The following CACNA1H variants were observed in gnomAD, a reference collection of about 807,000 sequenced individuals.
CACNA1H encodes the protein calcium voltage-gated channel subunit alpha1 H, also known as voltage-dependent T-type calcium channel subunit alpha-1H.
Under a neutral mutation model 192.5 loss-of-function variants are expected in CACNA1H, and 149 were observed. The observed-to-expected ratio is 0.77, with a 90% CI of 0.68 to 0.89. The LOEUF is 0.89. CACNA1H is among the 40% of genes least tolerant of loss of function. The pLI, the probability that CACNA1H is intolerant of heterozygous loss-of-function variation, is 0.00. For missense variants in CACNA1H, 4,257 were observed against 3,423.5 expected, an observed-to-expected ratio of 1.24 and a Z score of -6.08; for synonymous variants, 2,202 against 1,475.2, an observed-to-expected ratio of 1.49 and a Z score of -11.29.
At chr16:1,176,695 G>A (rs935265004) in intron 2 of CACNA1H, among the ~76,000 whole-genome samples, 1 of 152,192 alleles carries the variant, frequency 6.6e-6, no homozygotes, top group African/African-American at 2.4e-5. Context: ...GGGGCCGGCT[G>A]GGCACCAAGT....
intron 2 of CACNA1H, among the ~76,000 whole-genome samples, chr16:1,183,817 C>A (rs1156522582): frequency 6.6e-6 from 1 of 152,254 alleles, no homozygotes; most frequent in Non-Finnish European, 1.5e-5. Flanking sequence ...TGGGGTCTGT[C>A]CCGTCCCACC....
At chr16:1,215,180 A>G in intron 28 of CACNA1H, 62 bp from the exon 29 acceptor site, 1 of 1,581,318 alleles carries the variant, frequency 6.3e-7, no homozygotes, top group East Asian at 2.3e-5. Context: ...GGTCTGCAGA[A>G]GCAACGCTGC....
rs908020250 is a variant in CACNA1H at position 1,213,654 on chromosome 16, T to A, written c.4778-126T>A. The A allele has an allele frequency of 9.5e-6, 6 of 630,208 alleles. No homozygotes were observed. The African/African-American group carries it at 1.1e-4, about 12-fold the overall frequency. 39.0% of individuals were successfully genotyped at this position (630,208 alleles called of 1,614,324 possible). A position where few individuals can be genotyped will look rare whatever the true frequency, so the allele number is the denominator to read the frequency against. The stretch of plus-strand genomic sequence containing the variant: ...CCATGAGGCAGGGCCAGCCCCATCT[T>A]CACATGAGCCGTGGGCCCCCAACTT... On this transcript the variant is annotated intron_variant, in intron 26 of 34. Transcript: ENST00000348261.
At position 1,206,243 on chromosome 16, in the gene CACNA1H, G is replaced by A. The variant is rs762600701; in HGVS notation, c.2743G>A (p.Val915Met). The part of the protein sequence containing the change: ...LVVLVKTMDN[V>M]ATFCTLLMLF... The stretch of plus-strand genomic sequence containing the variant: ...GGTGCTGGTGAAGACCATGGACAAC[G>A]TGGCTACCTTCTGCACGCTGCTCAT... Residue 915 changes from valine to methionine, a missense_variant, in exon 12 of 35, where the codon GTG becomes ATG. By Grantham distance (21) the Val-to-Met change is conservative. Coordinates refer to ENST00000348261, the MANE Select transcript of CACNA1H (RefSeq NM_021098.3). The A allele has an allele frequency of 2.5e-6, 4 of 1,589,678 alleles. No individual in the cohort carries two copies. Among genetic ancestry groups the A allele is most frequent in the South Asian group, 1.2e-5 (1 of 86,874 alleles).
In CACNA1H at chr16:1,154,047, CG is replaced by C; in HGVS notation, c.299+13del. 1 of 1,016,154 alleles carries C rather than the reference CG, an allele frequency of 9.8e-7. No homozygotes were observed. Among genetic ancestry groups the C allele is most frequent in the Non-Finnish European group, 1.2e-6 (1 of 835,530 alleles). The allele number at this position is 1,016,154 out of a possible 1,614,324, so 62.9% of individuals were successfully genotyped here. Reference sequence around the variant, plus strand: ...GCTGGTCTGCAACCCATATCCTTCCCGGCCGGCGGGGGGCGGGGGGCGGGGG... The same window carrying C: ...GCTGGTCTGCAACCCATATCCTTCCCGCCGGCGGGGGGCGGGGGGCGGGGG... On this transcript the variant is annotated intron_variant, in intron 2 of 34. Coordinates refer to ENST00000348261, the MANE Select transcript of CACNA1H (RefSeq NM_021098.3).
chr16:1,155,901 C>G (rs942494222), intron 2 of CACNA1H, among the ~76,000 whole-genome samples: 2 of 152,136 alleles, frequency 1.3e-5, no homozygotes, highest in African/African-American at 4.8e-5. Flanking sequence ...CCCCGGTGTC[C>G]TGAGGAGCTG....
chr16:1,213,786 A>G lies in CACNA1H; in HGVS notation c.4784A>G (p.Gln1595Arg). 4.5e-6 allele frequency: 7 copies of G among 1,556,896 alleles called. No homozygotes were observed. The highest frequency in any genetic ancestry group is 5.2e-6 in the Non-Finnish European group (6 of 1,153,458). Residue 1595 changes from glutamine to arginine, a missense_variant, in exon 27 of 35, where the codon CAG (glutamine) becomes CGG (arginine). By Grantham distance (43) the Gln-to-Arg change is conservative (BLOSUM62 1). Coordinates refer to ENST00000348261, the MANE Select transcript of CACNA1H (RefSeq NM_021098.3). ...ATGGCCGCCCTCCCCGCAGAGGCCC[A>G]GCGCCGGCCCTACTATGCCGACTAC... Reference protein sequence around the residue: ...RRSTFPSPEAQRRPYYADYSP... With the variant: ...RRSTFPSPEARRRPYYADYSP...
At chr16:1,214,584 A>G (rs1321759760) in intron 27 of CACNA1H, among the ~76,000 whole-genome samples, 5 of 152,134 alleles carry the variant, frequency 3.3e-5, no homozygotes, top group Non-Finnish European at 5.9e-5. Context: ...CTGTGAGCCC[A>G]TGTCCCCATG....
Position 1,212,638 on chromosome 16 carries a change from C to T in CACNA1H, c.4777+110C>T, listed in dbSNP as rs974605488. 44 of 1,350,020 alleles carry T rather than the reference C, an allele frequency of 3.3e-5. No homozygotes were observed. The South Asian group carries it at 4.2e-4, about 13-fold the overall frequency. 83.6% of individuals were successfully genotyped at this position (1,350,020 alleles called of 1,614,324 possible). A position where few individuals can be genotyped will look rare whatever the true frequency, so the allele number is the denominator to read the frequency against. ...CCTCCGCAGGGTGGGCACAGGCAGCCGGAGGTGCTGGGCGTGTGGCGTGAG... is the reference window on the plus strand; with the variant it reads ...CCTCCGCAGGGTGGGCACAGGCAGCTGGAGGTGCTGGGCGTGTGGCGTGAG... On this transcript the variant is annotated intron_variant, in intron 26 of 34. Transcript: ENST00000348261.
At chr16:1,211,071 G>A (rs751174225) in intron 21 of CACNA1H, 97 bp from the exon 22 acceptor site, 78 of 1,555,098 alleles carry the variant, frequency 5.0e-5, no homozygotes, top group East Asian at 4.1e-4. Context: ...TTCGCAGGCC[G>A]CCCACTCGGC....
intron 27 of CACNA1H, 67 bp downstream of exon 27, chr16:1,213,998 G>C: frequency 7.2e-7 from 1 of 1,397,290 alleles, no homozygotes; most frequent in Non-Finnish European, 9.9e-7. Flanking sequence ...CCAACACAGT[G>C]GGCACAACCC....
rs772383239 is a variant in CACNA1H, at chr16:1,208,118, C to G, written c.3260C>G (p.Thr1087Ser). 6.3e-7 allele frequency: 1 copy of G among 1,593,762 alleles called. No homozygotes were observed. Among genetic ancestry groups the G allele is most frequent in the South Asian group, 1.1e-5 (1 of 87,520 alleles). The change falls in exon 16 of 35, where the codon ACC becomes AGC. Residue 1087 changes from threonine (T) to serine (S), a missense_variant. Coordinates refer to ENST00000348261, the MANE Select transcript of CACNA1H (RefSeq NM_021098.3). ...IMCTAATPMP[T>S]PKSSPFLDAA... ...TGCACAGCTGCCACGCCCATGCCTA[C>G]CCCCAAGAGCTCACCATTCCTGGAT...
chr16:1,211,039 C>G, intron 21 of CACNA1H, 68 bp downstream of exon 21: 6 of 1,557,124 alleles, frequency 3.9e-6, no homozygotes, highest in Non-Finnish European at 5.2e-6. Context: ...CTGCCCATTA[C>G]TCCTCCCGCA....
intron 6 of CACNA1H, among the ~76,000 whole-genome samples, chr16:1,199,648 A>C (rs1400365454): frequency 7.2e-6 from 1 of 138,312 alleles, no homozygotes. Context: ...CTCAGCCCTC[A>C]CCCCGGGGTC....
rs556907183 is a variant in CACNA1H at position 1,155,610 on chromosome 16, C to G, written c.299+1574C>G. On this transcript the variant is annotated intron_variant, in intron 2 of 34. Transcript: ENST00000348261. ...GGAAAGAGTTGAGCAAGCCTGGACT[C>G]TCTCCTCACAGCCCCGGGCCTGGCT... Among the ~76,000 whole-genome samples, 544 of 152,130 alleles carry G rather than the reference C, an allele frequency of 3.6e-3. 7 individuals carry two copies. Among genetic ancestry groups the G allele is most frequent in the African/African-American group, 0.013 (523 of 41,512 alleles).
chr16:1,198,153 T>G (rs1967218459), intron 5 of CACNA1H, among the ~76,000 whole-genome samples: 1 of 152,136 alleles, frequency 6.6e-6, no homozygotes, highest in Non-Finnish European at 1.5e-5. Context: ...AGGCTCCTGC[T>G]GCCTTGGTGG....
At chr16:1,198,482 C>G (rs35745841) in intron 5 of CACNA1H, 133 bp from the exon 6 acceptor site, 4 of 927,764 alleles carry the variant, frequency 4.3e-6, no homozygotes, top group South Asian at 1.5e-5. Context: ...GGGGGTGGCC[C>G]GAGTCAGTGT....
chr16:1,215,563 G>C lies in CACNA1H; in HGVS notation c.5214G>C (p.Leu1738=), dbSNP rs576179423. ...LLKMATGMRA[L]LDTVVQALPQ... is the part of the protein sequence containing the mutation. ...AGATGGCTACGGGCATGCGCGCCCT[G>C]CTGGACACTGTGGTGCAAGCTCTCC... Residue 1738 remains leucine (L), a synonymous_variant, in exon 30 of 35, where the codon CTG becomes CTC. Coordinates refer to ENST00000348261, the MANE Select transcript of CACNA1H (RefSeq NM_021098.3). The C allele has an allele frequency of 1.9e-6, 3 of 1,611,822 alleles. No homozygotes were observed. The highest frequency in any genetic ancestry group is 2.5e-6 in the Non-Finnish European group (3 of 1,179,564).
Position 1,200,737 on chromosome 16 carries a change from G to T in CACNA1H, c.1141G>T (p.Val381Leu). 1 of 1,561,576 alleles carries T rather than the reference G, an allele frequency of 6.4e-7. No homozygotes were observed. Residue 381 changes from valine to leucine, a missense_variant, in exon 8 of 35, where the codon GTG (valine) becomes TTG (leucine). Val to Leu is a conservative substitution (Grantham distance 32). Coordinates refer to ENST00000348261, the MANE Select transcript of CACNA1H (RefSeq NM_021098.3). ...CCAGGTGATCACGCTGGAAGGCTGG[G>T]TGGACATCATGTACTACGTCATGGA... is the stretch of plus-strand genomic sequence containing the variant. ...IFQVITLEGW[V>L]DIMYYVMDAH...
Sources: allele counts gnomAD v4.1 joint callset (sites outside exome capture counted in the v4.1 genomes callset), GRCh38; gene constraint gnomAD v4.1.1; transcripts MANE v1.5; gene names NCBI Gene and HGNC (gene_info 2026-07-23, HGNC 2026-07-21).